Variants in SLC67A1 observed in about 807,000 individuals in gnomAD.
SLC67A1 encodes the protein solute carrier family 67 member A1.
chr11:2,924,966 C>T, the SLC67A1 span: 6 of 1,548,984 alleles, frequency 3.9e-6, no homozygotes, highest in African/African-American at 6.8e-5. The surrounding 1 kb of genome is among the most constrained non-coding windows in gnomAD (Gnocchi z 8.6). Context: ...GGCAGTTGGC[C>T]CAGGGAGCTG....
chr11:2,913,548 G>A, the SLC67A1 span, among the ~76,000 whole-genome samples: 304 of 152,296 alleles, frequency 2.0e-3, no homozygotes, highest in South Asian at 6.8e-3. Flanking sequence ...GAAGCCAGAC[G>A]GCAGCTGCGT....
the SLC67A1 span, among the ~76,000 whole-genome samples, chr11:2,912,285 G>T: frequency 6.6e-6 from 1 of 152,226 alleles, no homozygotes; most frequent in Non-Finnish European, 1.5e-5. Flanking sequence ...CCCCCTCGGG[G>T]GCTCACCGAA....
chr11:2,917,795 G>A, the SLC67A1 span, among the ~76,000 whole-genome samples: 1 of 152,252 alleles, frequency 6.6e-6, no homozygotes, highest in Non-Finnish European at 1.5e-5. Flanking sequence ...GTGTGCTGAG[G>A]GGCGGTGCCC....
At chr11:2,923,830 A>G in the SLC67A1 span, among the ~76,000 whole-genome samples, 4 of 152,210 alleles carry the variant, frequency 2.6e-5, no homozygotes, top group Non-Finnish European at 5.9e-5. This position sits in a 1 kb window ranked among gnomAD's most constrained non-coding sequence, Gnocchi z 6.5. Flanking sequence ...AGGAGCCAGC[A>G]TCTGGTTCCC....
chr11:2,908,178 T>G, the SLC67A1 span: 2 of 1,286,350 alleles, frequency 1.6e-6, no homozygotes, highest in Admixed American at 3.4e-5. Flanking sequence ...GACCCCAGAT[T>G]CTAGGCCCTG....
chr11:2,909,105 CCCTGGTCAGCCCCG>C, the SLC67A1 span: 1 of 1,292,652 alleles, frequency 7.7e-7, no homozygotes, highest in Non-Finnish European at 1.0e-6. Context: ...ACTCCAGCCT[CCCTGGTCAGCCCCG>C]CCTGGGCAGC....
the SLC67A1 span, chr11:2,915,293 G>A: frequency 1.1e-6 from 1 of 943,002 alleles, no homozygotes; most frequent in Non-Finnish European, 1.3e-6. Flanking sequence ...GTGTGTGTGT[G>A]TGTGCGCATG....
chr11:2,902,478 T>G, the SLC67A1 span: 1 of 506,732 alleles, frequency 2.0e-6, no homozygotes, highest in Non-Finnish European at 2.4e-6. Context: ...GCGGCTGCCC[T>G]GCTCCCCCCA....
the SLC67A1 span, chr11:2,922,191 G>A: frequency 6.2e-7 from 1 of 1,613,394 alleles, no homozygotes; most frequent in Non-Finnish European, 8.5e-7. Flanking sequence ...TCATCGTGGT[G>A]GGCCTGGCCA....
the SLC67A1 span, chr11:2,908,436 C>T: frequency 1.3e-6 from 1 of 761,622 alleles, no homozygotes; most frequent in Non-Finnish European, 2.1e-6. Flanking sequence ...ACCGGACCCC[C>T]CTGGGATGAC....
the SLC67A1 span, among the ~76,000 whole-genome samples, chr11:2,911,698 G>C: frequency 6.6e-6 from 1 of 152,098 alleles, no homozygotes; most frequent in Non-Finnish European, 1.5e-5. Flanking sequence ...CACCCACAAC[G>C]ATGCTGGGAG....
chr11:2,914,825 G>A, the SLC67A1 span: 1 of 985,456 alleles, frequency 1.0e-6, no homozygotes, highest in Non-Finnish European at 1.2e-6. Context: ...TCTGAGGCCA[G>A]GGTCCCAAAG....
the SLC67A1 span, chr11:2,925,094 T>C: frequency 6.2e-7 from 1 of 1,613,890 alleles, no homozygotes; most frequent in East Asian, 2.2e-5. The surrounding 1 kb of genome is among the most constrained non-coding windows in gnomAD (Gnocchi z 6.5). Context: ...TACCGCAGCT[T>C]TGGCGTCCCC....
the SLC67A1 span, chr11:2,922,004 C>T: frequency 1.1e-6 from 1 of 895,212 alleles, no homozygotes; most frequent in Non-Finnish European, 1.9e-6. Context: ...CCACCACAGG[C>T]CAGTCTGGAG....
At chr11:2,923,244 T>G in the SLC67A1 span, among the ~76,000 whole-genome samples, 5 of 152,082 alleles carry the variant, frequency 3.3e-5, no homozygotes, top group African/African-American at 1.2e-4. This position sits in a 1 kb window ranked among gnomAD's most constrained non-coding sequence, Gnocchi z 6.5. Context: ...GTACTGGAGA[T>G]TCTTCCAGGC....
At chr11:2,909,664 G>A in the SLC67A1 span, 4 of 1,541,024 alleles carry the variant, frequency 2.6e-6, no homozygotes, top group Non-Finnish European at 3.5e-6. Flanking sequence ...CGGCGTCGGA[G>A]TCATCCTCGG....
chr11:2,902,897 G>C, the SLC67A1 span, among the ~76,000 whole-genome samples: 2 of 152,206 alleles, frequency 1.3e-5, no homozygotes, highest in East Asian at 1.9e-4. Flanking sequence ...CCAGGCACAG[G>C]GACCCACATC....
At chr11:2,902,186 C>G in the SLC67A1 span, 1 of 152,216 alleles carries the variant, frequency 6.6e-6, no homozygotes, top group Non-Finnish European at 1.5e-5. Flanking sequence ...CGGGCGCTCC[C>G]GGAACTGGCG....
chr11:2,915,931 G>C, the SLC67A1 span, among the ~76,000 whole-genome samples: 2 of 152,226 alleles, frequency 1.3e-5, no homozygotes, highest in Non-Finnish European at 2.9e-5. Flanking sequence ...TTTCCAGGTG[G>C]GGACTCATGG....
Sources: allele counts gnomAD v4.1 joint callset (sites outside exome capture counted in the v4.1 genomes callset), GRCh38; gene constraint gnomAD v4.1.1; non-coding constraint Gnocchi (gnomAD v3.1); transcripts MANE v1.5; gene names NCBI Gene and HGNC (gene_info 2026-07-23, HGNC 2026-07-21).